The following PRICKLE1 variants were observed in gnomAD, a reference collection of about 807,000 sequenced individuals.
PRICKLE1 encodes the protein prickle planar cell polarity protein 1, also known as prickle-like protein 1.
Under a neutral mutation model 70.2 loss-of-function variants are expected in PRICKLE1, and 14 were observed. The observed-to-expected ratio is 0.20, with a 90% CI of 0.13 to 0.31. PRICKLE1 has a LOEUF of 0.31. PRICKLE1 is among the 10% of genes least tolerant of loss of function. PRICKLE1 has a pLI of 1.00. For missense variants in PRICKLE1, 821 were observed against 1,026.2 expected (o/e 0.80, Z 2.73); for synonymous variants, 357 against 379.9 (o/e 0.94, Z 0.70).
intron 1 of PRICKLE1, among the ~76,000 whole-genome samples, chr12:42,526,431 G>C (rs935908579): frequency 2.0e-5 from 3 of 151,990 alleles, no homozygotes; most frequent in Non-Finnish European, 4.4e-5. Flanking sequence ...ACTTCACAGA[G>C]GACATCTGAT....
chr12:42,459,135 G>C lies in PRICKLE1; in HGVS notation c.*674C>G. On this transcript the variant is annotated 3_prime_UTR_variant, in exon 8 of 8. Transcript: ENST00000345127. ...GCGTAACAAACGGCTTACAATTCAG[G>C]GATATAAAAATATCAGCTTTAAAAT... 1 of 540,668 alleles carries C rather than the reference G, an allele frequency of 1.8e-6. No individual in the cohort carries two copies. Among genetic ancestry groups the C allele is most frequent in the South Asian group, 2.9e-5 (1 of 34,722 alleles). 33.5% of individuals were successfully genotyped at this position (540,668 alleles called of 1,614,324 possible).
intron 1 of PRICKLE1, among the ~76,000 whole-genome samples, chr12:42,507,733 TA>T (rs1333177892): frequency 1.3e-5 from 2 of 152,234 alleles, no homozygotes; most frequent in African/African-American, 2.4e-5. Flanking sequence ...CTGACATTTA[TA>T]AAGCCAAAGC....
rs191166325 is a variant in PRICKLE1, at chr12:42,546,648, G to A, written c.-49+42817C>T. On this transcript the variant is annotated intron_variant, in intron 1 of 7. Transcript: ENST00000345127. ...ATGTGCCTGTAATCCCAGCTACTCG[G>A]GAGAATGAGGTGGGAGGATTGCTCG... Among the ~76,000 whole-genome samples, 188 of 152,230 alleles carry A rather than the reference G, an allele frequency of 1.2e-3. 1 individual carries two copies. Among genetic ancestry groups the A allele is most frequent in the African/African-American group, 4.5e-3 (186 of 41,524 alleles).
rs138745880 is a variant in PRICKLE1 at position 42,479,860 on chromosome 12, A to G, written c.-48-7296T>C. 1.3e-3 allele frequency among the ~76,000 whole-genome samples: 194 copies of G among 152,232 alleles called. 1 individual carries two copies. Among genetic ancestry groups the G allele is most frequent in the African/African-American group, 4.4e-3 (183 of 41,548 alleles). ...ATCCCAGTACTTGGGAGGCTGAGGC[A>G]GGAGAATTGCTTGAACCTGGGAGGC... is the stretch of plus-strand genomic sequence containing the variant. On this transcript the variant is annotated intron_variant, in intron 1 of 7. Coordinates refer to ENST00000345127, the MANE Select transcript of PRICKLE1 (RefSeq NM_153026.3).
intron 1 of PRICKLE1, among the ~76,000 whole-genome samples, chr12:42,510,164 T>G (rs898348430): frequency 1.1e-4 from 17 of 151,978 alleles, no homozygotes; most frequent in Admixed American, 5.2e-4. Context: ...GCGCCATCTC[T>G]GCTCACTGCA....
In PRICKLE1 at chr12:42,509,907, T is replaced by A. The variant is rs1939482182; in HGVS notation, c.-48-37343A>T. On this transcript the variant is annotated intron_variant, in intron 1 of 7. Transcript: ENST00000345127. ...GGCCAACATGGTGAAACCCTGTCTC[T>A]ACTAAGAATACAAAAATTAGCCAGG... Among the ~76,000 whole-genome samples, 3 of 151,726 alleles carry A rather than the reference T, an allele frequency of 2.0e-5. No homozygotes were observed. In the South Asian group the frequency reaches 6.3e-4, roughly 32 times the overall value.
At position 42,515,592 on chromosome 12, in the gene PRICKLE1, G is replaced by A. The variant is rs1165618313; in HGVS notation, c.-48-43028C>T. ...CTATCCCATGTACCTTTTCATGGAA[G>A]GTAAAATTGTTGAAAGCTTACATAT... is the stretch of plus-strand genomic sequence containing the variant. On this transcript the variant is annotated intron_variant, in intron 1 of 7. Coordinates refer to ENST00000345127, the MANE Select transcript of PRICKLE1 (RefSeq NM_153026.3). 5.3e-5 allele frequency among the ~76,000 whole-genome samples: 8 copies of A among 152,160 alleles called. No homozygotes were observed. In the East Asian group the frequency reaches 1.5e-3, roughly 29 times the overall value.
intron 1 of PRICKLE1, among the ~76,000 whole-genome samples, chr12:42,478,041 A>G (rs923185164): frequency 2.7e-5 from 4 of 150,650 alleles, no homozygotes; most frequent in Non-Finnish European, 4.4e-5. Context: ...ACTCTGATGC[A>G]TCCCTTACCC....
chr12:42,533,875 C>T (rs1290516611), intron 1 of PRICKLE1, among the ~76,000 whole-genome samples: 1 of 152,110 alleles, frequency 6.6e-6, no homozygotes, highest in Non-Finnish European at 1.5e-5. Context: ...ACAAAAACGC[C>T]CCTAACGACA....
intron 1 of PRICKLE1, among the ~76,000 whole-genome samples, chr12:42,535,842 G>T (rs781120092): frequency 1.2e-4 from 18 of 152,154 alleles, no homozygotes; most frequent in Non-Finnish European, 4.4e-5. Flanking sequence ...AAACAGCCAG[G>T]AGTCAATAAA....
At chr12:42,521,442 G>A (rs1939706736) in intron 1 of PRICKLE1, among the ~76,000 whole-genome samples, 1 of 152,098 alleles carries the variant, frequency 6.6e-6, no homozygotes, top group Non-Finnish European at 1.5e-5. Flanking sequence ...GCTCATACCT[G>A]TAATCCCAGC....
At chr12:42,568,661 CATAATTCA>C (rs1940660765) in intron 1 of PRICKLE1, among the ~76,000 whole-genome samples, 1 of 152,174 alleles carries the variant, frequency 6.6e-6, no homozygotes, top group African/African-American at 2.4e-5. Context: ...TAAAAACTAT[CATAATTCA>C]GAAGAAATAT....
chr12:42,491,870 C>T (rs1206138995), intron 1 of PRICKLE1, among the ~76,000 whole-genome samples: 1 of 141,758 alleles, frequency 7.1e-6, no homozygotes, highest in Non-Finnish European at 1.5e-5. Context: ...GCAACCTCCA[C>T]TTCCCCGGGT....
intron 1 of PRICKLE1, among the ~76,000 whole-genome samples, chr12:42,573,295 T>C (rs1209055034): frequency 6.6e-6 from 1 of 152,136 alleles, no homozygotes; most frequent in Non-Finnish European, 1.5e-5. Context: ...GCTTGCCAAA[T>C]AGACCAACAG....
At chr12:42,528,565 T>C (rs1476548789) in intron 1 of PRICKLE1, among the ~76,000 whole-genome samples, 1 of 152,220 alleles carries the variant, frequency 6.6e-6, no homozygotes, top group Non-Finnish European at 1.5e-5. Flanking sequence ...TAAAACATTA[T>C]TGCTTTAAAA....
At chr12:42,546,607 A>C (rs181544400) in intron 1 of PRICKLE1, among the ~76,000 whole-genome samples, 40 of 152,264 alleles carry the variant, frequency 2.6e-4, no homozygotes, top group Non-Finnish European at 4.3e-4. Flanking sequence ...TACAAAAATT[A>C]GCCAGGTGTG....
At chr12:42,523,183 G>A (rs946547693) in intron 1 of PRICKLE1, among the ~76,000 whole-genome samples, 1 of 152,106 alleles carries the variant, frequency 6.6e-6, no homozygotes, top group Non-Finnish European at 1.5e-5. Context: ...TAGCCAGGAT[G>A]GTCTCGAACT....
chr12:42,468,871 AAGACAGG>A, intron 4 of PRICKLE1, 42 bp from the exon 5 acceptor site: 1 of 1,582,094 alleles, frequency 6.3e-7, no homozygotes, highest in Non-Finnish European at 8.7e-7. Flanking sequence ...TCATTTTTTA[AAGACAGG>A]ATTCTCAGGC....
intron 7 of PRICKLE1, among the ~76,000 whole-genome samples, chr12:42,463,115 G>GT (rs1217627593): frequency 1.3e-5 from 2 of 152,056 alleles, no homozygotes; most frequent in Non-Finnish European, 2.9e-5. Context: ...GAGGTCAGGA[G>GT]TTTGAGACCA....
Sources: gnomAD v4.1 joint callset for allele counts (sites outside exome capture counted in the v4.1 genomes callset) on GRCh38, gnomAD v4.1.1 for gene constraint, MANE v1.5 for transcripts, NCBI Gene and HGNC (gene_info 2026-07-23, HGNC 2026-07-21) for gene names.